Variants in NIBAN2 observed in about 807,000 individuals in gnomAD.
NIBAN2 encodes niban apoptosis regulator 2, also known as protein Niban 2.
A neutral mutation model predicts 81.8 loss-of-function variants in NIBAN2; 36 were observed. That is an observed-to-expected ratio of 0.44 (90% CI 0.34 to 0.58). The LOEUF is 0.58. Among genes scored for constraint, NIBAN2 ranks in the 20% least tolerant of loss-of-function variants. NIBAN2 has a pLI of 0.02. For synonymous variants in NIBAN2, 445 were observed against 441.6 expected, an observed-to-expected ratio of 1.01 and a Z score of -0.10; for missense variants, 897 against 1,014.1, an observed-to-expected ratio of 0.88 and a Z score of 1.57.
In NIBAN2 at chr9:127,508,945, T is replaced by G; in HGVS notation, c.1317+31A>C. The G allele has an allele frequency of 6.2e-7, 1 of 1,611,388 alleles. No homozygotes were observed. Among genetic ancestry groups the G allele is most frequent in the Non-Finnish European group, 8.5e-7 (1 of 1,179,078 alleles). ...GGCCTGTGGAAGGCAGTGGACAGGG[T>G]GTGGGGTGGGGGTCGTAGCCTCGGG... On this transcript the variant is annotated intron_variant, in intron 10 of 13. Coordinates refer to ENST00000373312, the MANE Select transcript of NIBAN2 (RefSeq NM_022833.4). The surrounding 1 kb of genome is among the most constrained non-coding windows in gnomAD (Gnocchi z 6.4).
At chr9:127,576,682 G>A (rs1370595947) in intron 1 of NIBAN2, among the ~76,000 whole-genome samples, 1 of 151,778 alleles carries the variant, frequency 6.6e-6, no homozygotes, top group Admixed American at 6.6e-5. Context: ...GGAGGCTGAG[G>A]CAGGAGGATC....
chr9:127,571,082 G>A (rs1051278242), upstream of NIBAN2, among the ~76,000 whole-genome samples: 1 of 152,242 alleles, frequency 6.6e-6, no homozygotes, highest in South Asian at 2.1e-4. Flanking sequence ...CTGGCATCTG[G>A]ACACCAGAGG....
At chr9:127,514,058 C>T (rs1588153584) in intron 8 of NIBAN2, among the ~76,000 whole-genome samples, 1 of 152,122 alleles carries the variant, frequency 6.6e-6, no homozygotes, top group East Asian at 1.9e-4. Flanking sequence ...CACTTGACGT[C>T]AGGAGTTTGA....
chr9:127,571,065 G>C (rs1837940324), upstream of NIBAN2, among the ~76,000 whole-genome samples: 1 of 152,256 alleles, frequency 6.6e-6, no homozygotes, highest in Non-Finnish European at 1.5e-5. Flanking sequence ...GAGCTAGCTG[G>C]AGCTAGCTGG....
intron 1 of NIBAN2, among the ~76,000 whole-genome samples, chr9:127,576,857 T>C (rs1838015949): frequency 6.6e-6 from 1 of 151,536 alleles, no homozygotes; most frequent in African/African-American, 2.4e-5. Flanking sequence ...AACGTCCGGC[T>C]AATTTTTGTA....
At chr9:127,558,442 T>C (rs1564318386) in intron 1 of NIBAN2, among the ~76,000 whole-genome samples, 1 of 152,170 alleles carries the variant, frequency 6.6e-6, no homozygotes, top group Non-Finnish European at 1.5e-5. Context: ...TGTCCCATCA[T>C]CTTCCTGGGC....
At chr9:127,556,038 C>T (rs986207649) in intron 1 of NIBAN2, among the ~76,000 whole-genome samples, 2 of 152,034 alleles carry the variant, frequency 1.3e-5, no homozygotes, top group African/African-American at 4.8e-5. Context: ...ACCCTACCCG[C>T]ACCCCTCCAT....
At chr9:127,513,772 T>A (rs962048212) in intron 8 of NIBAN2, among the ~76,000 whole-genome samples, 26 of 152,210 alleles carry the variant, frequency 1.7e-4, no homozygotes, top group Non-Finnish European at 1.9e-4. Context: ...CAGTAGCCAT[T>A]CTTTTATTCC....
Position 127,508,162 on chromosome 9 carries a change from G to A in NIBAN2, c.1473C>T (p.Phe491=). ...DYDSSSVRKR[F]FREALLQISI... The stretch of plus-strand genomic sequence containing the variant: ...TGATCTGCAGCAGCGCCTCCCGGAA[G>A]AACCTCTTCCGCACAGAGCTGCTGT... The change falls in exon 12 of 14, where the codon TTC becomes TTT. Residue 491 remains phenylalanine, a synonymous_variant. Coordinates refer to ENST00000373312, the MANE Select transcript of NIBAN2 (RefSeq NM_022833.4). The surrounding 1 kb of genome is among the most constrained non-coding windows in gnomAD (Gnocchi z 6.4). 2 of 1,613,672 alleles carry A rather than the reference G, an allele frequency of 1.2e-6. No homozygotes were observed. The highest frequency in any genetic ancestry group is 2.2e-5 in the South Asian group (2 of 91,082).
rs1332359462 is a variant in NIBAN2 at position 127,507,529 on chromosome 9, G to A, written c.1655-98C>T. On this transcript the variant is annotated intron_variant, in intron 13 of 13. Transcript: ENST00000373312. This position sits in a 1 kb window ranked among gnomAD's most constrained non-coding sequence, Gnocchi z 6.8. ...AAGAAGACCCGTCTCATCCCGCCTT[G>A]GGGGTCTGTGGTTGGGATGTGACTC... 3 of 1,101,120 alleles carry A rather than the reference G, an allele frequency of 2.7e-6. No homozygotes were observed. Among genetic ancestry groups the A allele is most frequent in the Non-Finnish European group, 3.8e-6 (3 of 786,794 alleles). The allele number at this position is 1,101,120 out of a possible 1,614,324, so 68.2% of individuals were successfully genotyped here. A position where few individuals can be genotyped will look rare whatever the true frequency, so the allele number is the denominator to read the frequency against.
chr9:127,526,657 A>G (rs960067594), intron 3 of NIBAN2, among the ~76,000 whole-genome samples: 1 of 152,176 alleles, frequency 6.6e-6, no homozygotes, highest in African/African-American at 2.4e-5. Flanking sequence ...TGAAGAAATC[A>G]GGTCTGTGGC....
rs1445756501 is a variant in NIBAN2 at position 127,508,237 on chromosome 9, G to A, written c.1435-37C>T. 2 of 1,543,752 alleles carry A rather than the reference G, an allele frequency of 1.3e-6. No individual in the cohort carries two copies. Among genetic ancestry groups the A allele is most frequent in the Non-Finnish European group, 1.8e-6 (2 of 1,119,080 alleles). ...AAGGGGGTCGGGGGTCTGCAGGTCA[G>A]TGGGCTCCATTGGCCCTGAGGGTAG... On this transcript the variant is annotated intron_variant, in intron 11 of 13. Coordinates refer to ENST00000373312, the MANE Select transcript of NIBAN2 (RefSeq NM_022833.4). This position sits in a 1 kb window ranked among gnomAD's most constrained non-coding sequence, Gnocchi z 6.4.
At chr9:127,568,674 G>T in intron 1 of NIBAN2, 146 bp downstream of exon 1, 1 of 650,744 alleles carries the variant, frequency 1.5e-6, no homozygotes, top group Non-Finnish European at 2.1e-6. Context: ...GAGCTCGGAC[G>T]CGGGGCACGC....
rs1836654662 is a variant in NIBAN2, at chr9:127,508,308, C to T, written c.1435-108G>A. The T allele has an allele frequency of 3.1e-6, 4 of 1,309,522 alleles. No individual in the cohort carries two copies. Among genetic ancestry groups the T allele is most frequent in the Non-Finnish European group, 4.4e-6 (4 of 916,430 alleles). The allele number at this position is 1,309,522 out of a possible 1,614,324, so 81.1% of individuals were successfully genotyped here. On this transcript the variant is annotated intron_variant, in intron 11 of 13. Transcript: ENST00000373312. This position sits in a 1 kb window ranked among gnomAD's most constrained non-coding sequence, Gnocchi z 6.4. ...CCAAGCCTCCGAGTCCTCATCCGCA[C>T]AAGAGGACCATGGCGCCTCCTTGCA...
At chr9:127,578,354 C>CAAA (rs150337961) in intron 1 of NIBAN2, among the ~76,000 whole-genome samples, 4 of 83,574 alleles carry the variant, frequency 4.8e-5, no homozygotes, top group Admixed American at 1.4e-4. Context: ...GACTTGGTCT[C>CAAA]AAAAAAAAAA....
chr9:127,573,360 C>A (rs1275514017), upstream of NIBAN2, among the ~76,000 whole-genome samples: 1 of 150,396 alleles, frequency 6.6e-6, no homozygotes, highest in Non-Finnish European at 1.5e-5. Context: ...TAAACTTTCT[C>A]AACTCTCTCT....
chr9:127,514,769 C>A (rs141319055), intron 8 of NIBAN2, among the ~76,000 whole-genome samples: 11 of 152,322 alleles, frequency 7.2e-5, no homozygotes, highest in Admixed American at 2.6e-4. Flanking sequence ...TGTCCACCCC[C>A]ATCCCAGCCC....
chr9:127,514,734 G>A (rs1412469538), intron 8 of NIBAN2, among the ~76,000 whole-genome samples: 1 of 152,192 alleles, frequency 6.6e-6, no homozygotes, highest in Non-Finnish European at 1.5e-5. Context: ...TCTGACCAAA[G>A]CATTTTCACT....
intron 1 of NIBAN2, among the ~76,000 whole-genome samples, chr9:127,550,883 T>G (rs1490144997): frequency 1.3e-5 from 2 of 152,138 alleles, no homozygotes; most frequent in African/African-American, 2.4e-5. Flanking sequence ...TTGGATCCTG[T>G]CAAGTGATCC....
Sources: gnomAD v4.1 joint callset for allele counts (sites outside exome capture counted in the v4.1 genomes callset) on GRCh38, gnomAD v4.1.1 for gene constraint, Gnocchi (gnomAD v3.1) non-coding constraint, MANE v1.5 for transcripts, NCBI Gene and HGNC (gene_info 2026-07-23, HGNC 2026-07-21) for gene names.